The following TTC21B variants were observed in gnomAD, a reference collection of about 807,000 sequenced individuals.
The protein encoded by TTC21B is tetratricopeptide repeat domain 21B.
TTC21B carries 127 observed loss-of-function variants against 175.1 expected under a neutral mutation model. The ratio of observed to expected loss-of-function variants is 0.73; its 90% CI spans 0.63 to 0.84. The LOEUF is 0.84. TTC21B is among the 40% of genes least tolerant of loss of function. The pLI is 0.00. For synonymous variants in TTC21B, 524 were observed against 524.5 expected (o/e 1.00, Z 0.01); for missense variants, 1,561 against 1,558.3 (o/e 1.00, Z -0.03).
chr2:165,912,398 TAC>T (rs1403380917), intron 17 of TTC21B, 114 bp downstream of exon 17: 11 of 818,816 alleles, frequency 1.3e-5, no homozygotes, highest in Non-Finnish European at 2.4e-5. Context: ...AGTTCATAAA[TAC>T]AGATTTGGAG....
intron 12 of TTC21B, among the ~76,000 whole-genome samples, chr2:165,921,887 T>C (rs1000785498): frequency 2.0e-5 from 3 of 151,698 alleles, no homozygotes; most frequent in Admixed American, 6.6e-5. Flanking sequence ...ATGAATAAGT[T>C]ATTTAGTGGT....
chr2:165,939,652 T>C (rs889859610), intron 6 of TTC21B, among the ~76,000 whole-genome samples: 2 of 152,160 alleles, frequency 1.3e-5, no homozygotes, highest in Non-Finnish European at 2.9e-5. Flanking sequence ...AGCCTAGACC[T>C]CTCACAAGAA....
intron 21 of TTC21B, 65 bp downstream of exon 21, chr2:165,899,705 T>C (rs977589170): frequency 2.0e-5 from 21 of 1,044,444 alleles, no homozygotes; most frequent in Non-Finnish European, 2.6e-5. Context: ...AGTAGTTCCA[T>C]GGGGTAAAAT....
chr2:165,912,804 T>C (rs1022132698), intron 16 of TTC21B, among the ~76,000 whole-genome samples, 180 bp from the exon 17 acceptor site: 1 of 152,230 alleles, frequency 6.6e-6, no homozygotes, highest in African/African-American at 2.4e-5. Context: ...CAGGTATGGA[T>C]AGGTATAATT....
At chr2:165,900,054 T>G (rs1291494340) in intron 20 of TTC21B, among the ~76,000 whole-genome samples, 174 bp from the exon 21 acceptor site, 1 of 136,572 alleles carries the variant, frequency 7.3e-6, no homozygotes, top group Non-Finnish European at 1.6e-5. Flanking sequence ...CTCTATTTTC[T>G]CTTACACTAG....
intron 4 of TTC21B, among the ~76,000 whole-genome samples, chr2:165,943,650 T>C (rs1574140795): frequency 6.6e-6 from 1 of 152,276 alleles, no homozygotes; most frequent in Non-Finnish European, 1.5e-5. Flanking sequence ...AATTGACAAT[T>C]AATAACACTT....
At chr2:165,881,761 T>G (rs1684843874) in intron 26 of TTC21B, among the ~76,000 whole-genome samples, 1 of 152,150 alleles carries the variant, frequency 6.6e-6, no homozygotes, top group Admixed American at 6.5e-5. Context: ...GTATATTTCT[T>G]AATTGTAATT....
At position 165,945,658 on chromosome 2, in the gene TTC21B, C is replaced by T; in HGVS notation, c.295G>A (p.Val99Met). ...REAILESDAR[V>M]KEQRKGAGEK... ...CCAGCTCCTTTACGTTGTTCCTTCA[C>T]TCTGGCATCTGATTCCAGAATAGCT... The change falls in exon 4 of 29, where the codon GTG (valine) becomes ATG (methionine). Residue 99 changes from valine to methionine, a missense_variant. Physicochemically the swap from Val to Met is conservative, Grantham distance 21. Coordinates refer to ENST00000243344, the MANE Select transcript of TTC21B (RefSeq NM_024753.5). The T allele has an allele frequency of 6.2e-7, 1 of 1,613,568 alleles. No individual in the cohort carries two copies. The highest frequency in any genetic ancestry group is 8.5e-7 in the Non-Finnish European group (1 of 1,179,912).
intron 4 of TTC21B, 66 bp from the exon 5 acceptor site, chr2:165,943,407 C>G: frequency 7.9e-7 from 1 of 1,267,918 alleles, no homozygotes; most frequent in Non-Finnish European, 1.1e-6. Context: ...AATGAAAGAG[C>G]CTAATGTCAT....
intron 16 of TTC21B, 113 bp from the exon 17 acceptor site, chr2:165,912,737 G>T: frequency 1.2e-6 from 1 of 845,574 alleles, no homozygotes. Flanking sequence ...ATAAGACTTG[G>T]CATATATTAA....
At chr2:165,877,059 T>C (rs1684686726) in intron 27 of TTC21B, among the ~76,000 whole-genome samples, 1 of 152,236 alleles carries the variant, frequency 6.6e-6, no homozygotes, top group Admixed American at 6.5e-5. Context: ...TTCCTCTTAA[T>C]GGATGTTGTT....
chr2:165,877,334 G>T (rs1398680874), intron 27 of TTC21B, among the ~76,000 whole-genome samples: 1 of 152,148 alleles, frequency 6.6e-6, no homozygotes, highest in Non-Finnish European at 1.5e-5. Flanking sequence ...GAAAGAAATA[G>T]AAATGATCTA....
Position 165,943,296 on chromosome 2 carries a change from G to T in TTC21B, c.475C>A (p.Pro159Thr). ...TACTTCAGTGCTTTTTTAGTGTAAG[G>T]CTCTTTTCCTCTTGTAATATCAAGC... ...AWLDITRGKE[P>T]YTKKALKYFE... The change falls in exon 5 of 29, where the codon CCT (proline) becomes ACT (threonine). Residue 159 changes from proline to threonine, a missense_variant. Transcript: ENST00000243344. 1 of 1,610,792 alleles carries T rather than the reference G, an allele frequency of 6.2e-7. No individual in the cohort carries two copies. The highest frequency in any genetic ancestry group is 2.2e-5 in the East Asian group (1 of 44,840).
chr2:165,880,556 G>C (rs1349580000), intron 27 of TTC21B, 123 bp downstream of exon 27: 6 of 1,021,636 alleles, frequency 5.9e-6, no homozygotes, highest in Non-Finnish European at 8.8e-6. Flanking sequence ...CTTTCAGAAA[G>C]GTTGACAATG....
intron 16 of TTC21B, among the ~76,000 whole-genome samples, chr2:165,913,323 G>A (rs909103153): frequency 6.6e-6 from 1 of 152,160 alleles, no homozygotes; most frequent in Admixed American, 6.5e-5. Flanking sequence ...ACCGTGCCTG[G>A]CCTCATCTCT....
chr2:165,906,955 CA>C (rs1160627145), intron 19 of TTC21B, among the ~76,000 whole-genome samples: 17,923 of 60,846 alleles, frequency 0.29, 533 homozygotes, highest in Non-Finnish European at 0.36. Flanking sequence ...AACTCCGTCT[CA>C]AAAAAAAAAA....
At chr2:165,875,940 T>C (rs1312877134) in intron 28 of TTC21B, among the ~76,000 whole-genome samples, 4 of 152,114 alleles carry the variant, frequency 2.6e-5, no homozygotes, top group African/African-American at 4.8e-5. Context: ...GTCTTTAAAT[T>C]GACATAAACA....
Position 165,929,688 on chromosome 2 carries a change from A to C in TTC21B, c.1147T>G (p.Phe383Val), listed in dbSNP as rs1686811757. The C allele has an allele frequency of 3.7e-6, 6 of 1,612,956 alleles. No individual in the cohort carries two copies. In the East Asian group the frequency reaches 1.3e-4, roughly 36 times the overall value. Residue 383 changes from phenylalanine to valine, a missense_variant, in exon 10 of 29, where the codon TTT becomes GTT. Transcript: ENST00000243344. ...QLQDADQQLEFLNEIQQSIGK... is the reference protein window; with the variant it reads ...QLQDADQQLEVLNEIQQSIGK... ...ATGGATTGCTGGATTTCATTTAAAA[A>C]TTCTAGCTGCTGATCTGCATCCTGT...
intron 6 of TTC21B, among the ~76,000 whole-genome samples, chr2:165,938,047 G>A (rs1373473923): frequency 2.0e-5 from 3 of 151,982 alleles, no homozygotes; most frequent in Non-Finnish European, 4.4e-5. Context: ...AAGGACTTAA[G>A]AACAACTTGA....
Sources: allele counts gnomAD v4.1 joint callset (sites outside exome capture counted in the v4.1 genomes callset), GRCh38; gene constraint gnomAD v4.1.1; transcripts MANE v1.5; gene names NCBI Gene and HGNC (gene_info 2026-07-23, HGNC 2026-07-21).